POT1: variants seen among roughly 807,000 people sequenced by gnomAD.
POT1 encodes protection of telomeres 1.
A neutral mutation model predicts 78.5 loss-of-function variants in POT1; 47 were observed. That is an observed-to-expected ratio of 0.60 (90% CI 0.47 to 0.76). The LOEUF (loss-of-function observed/expected upper bound fraction) is 0.76. Ranked by LOEUF, POT1 falls within the 30% of genes least tolerant of loss-of-function variation. The pLI is 0.00. For synonymous variants in POT1, 259 were observed against 260.7 expected (o/e 0.99, Z 0.06); for missense variants, 646 against 749.9 (o/e 0.86, Z 1.62).
intron 5 of POT1, among the ~76,000 whole-genome samples, chr7:124,894,482 T>A (rs1242781202): frequency 6.6e-6 from 1 of 151,620 alleles, no homozygotes; most frequent in African/African-American, 2.4e-5. Context: ...ATAAACAACT[T>A]CTTGTTTGGC....
chr7:124,889,446 G>A (rs956642824), intron 6 of POT1, among the ~76,000 whole-genome samples: 43 of 152,010 alleles, frequency 2.8e-4, no homozygotes, highest in African/African-American at 9.9e-4. Context: ...GAAGAAGATG[G>A]AGCAAGTTAT....
rs1172579241 is a variant in POT1, at chr7:124,893,267, AC to A, written c.10-888del. Among the ~76,000 whole-genome samples the A allele has an allele frequency of 6.0e-5, 9 of 151,214 alleles. No individual in the cohort carries two copies. The East Asian group carries it at 1.6e-3, about 26-fold the overall frequency. On this transcript the variant is annotated intron_variant, in intron 5 of 18. Coordinates refer to ENST00000357628, the MANE Select transcript of POT1 (RefSeq NM_015450.3). ...GTGGTACAATTTCTCTCTTCCCCTT[AC>A]CCCCATGCTATTATAGAGATTTTCC...
intron 2 of POT1, among the ~76,000 whole-genome samples, chr7:124,916,096 C>T (rs1797008304): frequency 6.6e-6 from 1 of 152,086 alleles, no homozygotes. Context: ...AGTCTTTGTT[C>T]AGTTTCTGTA....
At chr7:124,854,082 A>C (rs1224268756) in intron 9 of POT1, among the ~76,000 whole-genome samples, 2 of 151,958 alleles carry the variant, frequency 1.3e-5, no homozygotes, top group Non-Finnish European at 2.9e-5. Flanking sequence ...CATCTTACAT[A>C]ACAAAAAAAC....
At chr7:124,910,781 C>CT (rs1796873053) in intron 3 of POT1, among the ~76,000 whole-genome samples, 1 of 151,920 alleles carries the variant, frequency 6.6e-6, no homozygotes, top group Non-Finnish European at 1.5e-5. Context: ...TAGAAAAACC[C>CT]TTTAAGTTAT....
chr7:124,870,891 C>T lies in POT1; in HGVS notation c.255+20G>A, dbSNP rs754879565. 6.3e-7 allele frequency: 1 copy of T among 1,586,086 alleles called. No homozygotes were observed. The highest frequency in any genetic ancestry group is 1.8e-5 in the Admixed American group (1 of 56,816). On this transcript the variant is annotated intron_variant, in intron 7 of 18. Coordinates refer to ENST00000357628, the MANE Select transcript of POT1 (RefSeq NM_015450.3). ...AGTTCTCTTCAAATAAATATAAGTTCTAGACAATATGAATTATACCTTCAG... is the reference window on the plus strand; with the variant it reads ...AGTTCTCTTCAAATAAATATAAGTTTTAGACAATATGAATTATACCTTCAG...
At chr7:124,827,143 T>C (rs1794649182) in intron 17 of POT1, 71 bp downstream of exon 17, 1 of 839,008 alleles carries the variant, frequency 1.2e-6, no homozygotes, top group African/African-American at 1.8e-5. Flanking sequence ...AAAGCAGGTA[T>C]GAATAAATGT....
At chr7:124,847,223 A>G (rs1034932120) in intron 11 of POT1, among the ~76,000 whole-genome samples, 4 of 152,256 alleles carry the variant, frequency 2.6e-5, no homozygotes, top group African/African-American at 9.6e-5. Context: ...GGGTGGGCAC[A>G]GTGGCTCACG....
intron 3 of POT1, among the ~76,000 whole-genome samples, chr7:124,898,994 T>C (rs1371454230): frequency 6.6e-6 from 1 of 152,214 alleles, no homozygotes; most frequent in Non-Finnish European, 1.5e-5. Context: ...GCTGCATATA[T>C]ATTTTTCATT....
Position 124,928,980 on chromosome 7 carries a change from G to A in POT1, c.-392C>T, listed in dbSNP as rs1797342496. 6.6e-6 allele frequency: 1 copy of A among 152,558 alleles called. No homozygotes were observed. 9.5% of individuals were successfully genotyped at this position (152,558 alleles called of 1,614,324 possible). A position where few individuals can be genotyped will look rare whatever the true frequency, so the allele number is the denominator to read the frequency against. ...CTGATGTCCAAAGCAAATTCAACTAGGGAATCTGACAACTTGCTGCTGAAA... is the reference window on the plus strand; with the variant it reads ...CTGATGTCCAAAGCAAATTCAACTAAGGAATCTGACAACTTGCTGCTGAAA... On this transcript the variant is annotated 5_prime_UTR_variant, in exon 2 of 19. Coordinates refer to ENST00000357628, the MANE Select transcript of POT1 (RefSeq NM_015450.3).
rs1795787888 is a variant in POT1, at chr7:124,868,569, C to A, written c.255+2342G>T. ...ATATAAAGTAAGCATCCACAGATTT[C>A]AAAATACTAAACATTTCAGAGTATG... On this transcript the variant is annotated intron_variant, in intron 7 of 18. Transcript: ENST00000357628. 2.6e-5 allele frequency among the ~76,000 whole-genome samples: 4 copies of A among 151,412 alleles called. No individual in the cohort carries two copies. In the South Asian group the frequency reaches 8.3e-4, roughly 31 times the overall value.
At chr7:124,883,304 T>A (rs546396575) in intron 6 of POT1, among the ~76,000 whole-genome samples, 1 of 152,110 alleles carries the variant, frequency 6.6e-6, no homozygotes, top group African/African-American at 2.4e-5. Context: ...AACAGAAAAG[T>A]AGAGTTTTAC....
At chr7:124,907,403 C>T (rs1796790927) in intron 3 of POT1, among the ~76,000 whole-genome samples, 1 of 151,956 alleles carries the variant, frequency 6.6e-6, no homozygotes, top group African/African-American at 2.4e-5. Context: ...AAGAAGTGTT[C>T]TTCAAAAAAT....
chr7:124,885,282 C>T (rs1328107218), intron 6 of POT1, among the ~76,000 whole-genome samples: 2 of 126,456 alleles, frequency 1.6e-5, no homozygotes, highest in African/African-American at 6.0e-5. Context: ...AATGCAAGAC[C>T]TCCATCTCTC....
rs149918137 is a variant in POT1, at chr7:124,846,787, G to A, written c.1006+155C>T. Among the ~76,000 whole-genome samples, 110 of 152,186 alleles carry A rather than the reference G, an allele frequency of 7.2e-4. 1 individual carries two copies. The highest frequency in any genetic ancestry group is 2.5e-3 in the African/African-American group (103 of 41,548). On this transcript the variant is annotated intron_variant, in intron 12 of 18. Transcript: ENST00000357628. ...TATGGGTTCCATTTTATGCCAACAA[G>A]ACACGGTAGAAGAAGAAAGTTAAAT...
chr7:124,908,879 C>T (rs1395401433), intron 3 of POT1, among the ~76,000 whole-genome samples: 1 of 151,946 alleles, frequency 6.6e-6, no homozygotes, highest in African/African-American at 2.4e-5. Context: ...ACAAAACTTA[C>T]TTCATAGACT....
At chr7:124,838,598 G>T (rs1423911942) in intron 14 of POT1, among the ~76,000 whole-genome samples, 1 of 151,840 alleles carries the variant, frequency 6.6e-6, no homozygotes, top group African/African-American at 2.4e-5. Context: ...GTGACTTATA[G>T]ATTATGGCAA....
chr7:124,847,091 A>G (rs1174734830), intron 11 of POT1, 93 bp from the exon 12 acceptor site: 8 of 785,296 alleles, frequency 1.0e-5, no homozygotes, highest in Non-Finnish European at 1.5e-5. Context: ...ACTGAAGAAA[A>G]TATAAATAAA....
At chr7:124,887,963 TTTTAC>T (rs1300337270) in intron 6 of POT1, among the ~76,000 whole-genome samples, 1 of 152,094 alleles carries the variant, frequency 6.6e-6, no homozygotes, top group Non-Finnish European at 1.5e-5. Context: ...GGTTATACAT[TTTTAC>T]TTTACTTTTA....
Sources: gnomAD v4.1 joint callset for allele counts (sites outside exome capture counted in the v4.1 genomes callset) on GRCh38, gnomAD v4.1.1 for gene constraint, MANE v1.5 for transcripts, NCBI Gene and HGNC (gene_info 2026-07-23, HGNC 2026-07-21) for gene names.